Variants in GRAMD4 observed in about 807,000 individuals in gnomAD.
GRAMD4 encodes GRAM domain containing 4, also known as GRAM domain-containing protein 4.
A neutral mutation model predicts 83.9 loss-of-function variants in GRAMD4; 25 were observed. The observed-to-expected ratio is 0.30, with a 90% CI of 0.22 to 0.42. The LOEUF (loss-of-function observed/expected upper bound fraction) is 0.42, where lower values mean the gene tolerates loss of function less well. Among genes scored for constraint, GRAMD4 ranks in the 10% least tolerant of loss-of-function variants. The probability of loss-of-function intolerance (pLI) is 1.00; values close to 1 mark genes in which losing one functional copy is unlikely to be tolerated. For synonymous variants in GRAMD4, 336 were observed against 320.9 expected, an observed-to-expected ratio of 1.05 and a Z score of -0.50; for missense variants, 593 against 788.7, an observed-to-expected ratio of 0.75 and a Z score of 2.97.
chr22:46,586,632 C>T (rs1324425780), intron 1 of GRAMD4, among the ~76,000 whole-genome samples: 1 of 152,260 alleles, frequency 6.6e-6, no homozygotes, highest in Non-Finnish European at 1.5e-5. Context: ...AGGTATCCTA[C>T]TGCACCCAGA....
intron 1 of GRAMD4, among the ~76,000 whole-genome samples, chr22:46,597,650 C>T (rs1049547177): frequency 1.5e-4 from 23 of 152,018 alleles, no homozygotes; most frequent in African/African-American, 2.2e-4. Context: ...CCACCACGCC[C>T]GGCTAATTTT....
At chr22:46,599,578 C>T (rs1051765988) in intron 1 of GRAMD4, among the ~76,000 whole-genome samples, 3 of 152,254 alleles carry the variant, frequency 2.0e-5, no homozygotes, top group East Asian at 1.9e-4. Context: ...CCACCCGCCT[C>T]GGCCTTCCAA....
At chr22:46,675,186 C>A (rs1030038125) in intron 16 of GRAMD4, among the ~76,000 whole-genome samples, 1 of 151,744 alleles carries the variant, frequency 6.6e-6, no homozygotes, top group African/African-American at 2.4e-5. Flanking sequence ...TCACTCAGAG[C>A]AGTGGCCGTG....
downstream of GRAMD4, among the ~76,000 whole-genome samples, chr22:46,681,869 G>C (rs1730533804): frequency 6.6e-6 from 1 of 152,210 alleles, no homozygotes; most frequent in Admixed American, 6.5e-5. Context: ...GGTCCATTCT[G>C]CTCGTCCTGC....
rs981980611 is a variant in GRAMD4 at position 46,672,610 on chromosome 22, C to T, written c.1085-233C>T. Among the ~76,000 whole-genome samples, 15 of 150,966 alleles carry T rather than the reference C, an allele frequency of 9.9e-5. No homozygotes were observed. The highest frequency in any genetic ancestry group is 3.2e-4 in the African/African-American group (13 of 40,930). ...GGGGTCTTAGTGGGAGTGGGTGGGG[C>T]GCTGGCAGTGGGGCCCTCGCCTGGG... On this transcript the variant is annotated intron_variant, in intron 13 of 18. Transcript: ENST00000406902. The surrounding 1 kb of genome is among the most constrained non-coding windows in gnomAD (Gnocchi z 4.7).
At chr22:46,580,981 A>G (rs928756911) in intron 1 of GRAMD4, among the ~76,000 whole-genome samples, 11 of 148,120 alleles carry the variant, frequency 7.4e-5, no homozygotes, top group Middle Eastern at 3.5e-3. Flanking sequence ...AAAAAAAAAA[A>G]AAAGAAAGAA....
intron 10 of GRAMD4, 108 bp from the exon 11 acceptor site, chr22:46,667,988 T>C: frequency 1.3e-6 from 1 of 744,902 alleles, no homozygotes; most frequent in Non-Finnish European, 2.3e-6. Flanking sequence ...CCTGGCTGTG[T>C]GGGGACAGCA....
upstream of GRAMD4, among the ~76,000 whole-genome samples, chr22:46,576,638 G>C (rs2081044365): frequency 1.3e-5 from 2 of 152,162 alleles, no homozygotes; most frequent in Non-Finnish European, 2.9e-5. Flanking sequence ...GTCCAGCCCC[G>C]GCGTGGGGCC....
intron 1 of GRAMD4, among the ~76,000 whole-genome samples, chr22:46,585,342 CACA>C (rs2081139066): frequency 6.6e-6 from 1 of 152,114 alleles, no homozygotes; most frequent in Non-Finnish European, 1.5e-5. Flanking sequence ...AGGCACGCAC[CACA>C]ACGCCCAGCT....
In GRAMD4 at chr22:46,658,218, C is replaced by T; in HGVS notation, c.315C>T (p.Thr105=). 1 of 1,613,742 alleles carries T rather than the reference C, an allele frequency of 6.2e-7. No homozygotes were observed. Among genetic ancestry groups the T allele is most frequent in the Non-Finnish European group, 8.5e-7 (1 of 1,179,902 alleles). ...AGCTCCGGAAGCTGCGAGAAGAAAC[C>T]AACGCGGAGATGCTGCGGCAGGAGC... ...QEELRKLREE[T]NAEMLRQELD... Residue 105 remains threonine, a synonymous_variant, in exon 4 of 19, where the codon ACC becomes ACT. Transcript: ENST00000406902.
At chr22:46,587,708 A>G (rs5768992) in intron 1 of GRAMD4, among the ~76,000 whole-genome samples, 112,823 of 151,834 alleles carry the variant, frequency 0.74, 42,501 homozygotes, top group East Asian at 0.92. Flanking sequence ...ACCCCAGCTC[A>G]GGAGGGAGGG....
chr22:46,669,392 G>A (rs1185209928), intron 13 of GRAMD4, among the ~76,000 whole-genome samples: 1 of 152,140 alleles, frequency 6.6e-6, no homozygotes, highest in Non-Finnish European at 1.5e-5. Flanking sequence ...GGGAAGGAGG[G>A]TGGCTGGCGG....
intron 3 of GRAMD4, among the ~76,000 whole-genome samples, chr22:46,654,813 T>C (rs2147308982): frequency 6.6e-6 from 1 of 152,158 alleles, no homozygotes; most frequent in African/African-American, 2.4e-5. Context: ...GACACCGGGG[T>C]GGTCCCTCCT....
rs900802572 is a variant in GRAMD4, at chr22:46,598,436, C to T, written c.-50+21146C>T. 3.3e-5 allele frequency among the ~76,000 whole-genome samples: 5 copies of T among 152,056 alleles called. 1 individual carries two copies. The South Asian group carries it at 1.0e-3, about 32-fold the overall frequency. On this transcript the variant is annotated intron_variant, in intron 1 of 1. Coordinates refer to the GRAMD4 transcript ENST00000431155. The stretch of plus-strand genomic sequence containing the variant: ...TTATTTGCACCTCGGTGTTTGTTGC[C>T]AGAGGATTCTAATTGAGCAAGCTGT...
chr22:46,620,224 C>A, upstream of GRAMD4: 1 of 761,868 alleles, frequency 1.3e-6, no homozygotes, highest in Non-Finnish European at 1.6e-6. This position sits in a 1 kb window ranked among gnomAD's most constrained non-coding sequence, Gnocchi z 4.7. Flanking sequence ...AGAAGCAATT[C>A]AGCGGTTTCC....
rs990113107 is a variant in GRAMD4, at chr22:46,663,267, C to T, written c.599+95C>T. ...GTGGGCCATCCTTTATCACCGTGGG[C>T]CAAAGCTGTCTGTGAGGCTGCCGAG... On this transcript the variant is annotated intron_variant, in intron 6 of 18. Transcript: ENST00000406902. The T allele has an allele frequency of 3.4e-6, 4 of 1,192,896 alleles. No homozygotes were observed. The African/African-American group carries it at 6.0e-5, about 18-fold the overall frequency. 73.9% of individuals were successfully genotyped at this position (1,192,896 alleles called of 1,614,324 possible). A position where few individuals can be genotyped will look rare whatever the true frequency, so the allele number is the denominator to read the frequency against.
chr22:46,627,112 C>A lies in GRAMD4; in HGVS notation c.162+151C>A, dbSNP rs544863498. On this transcript the variant is annotated intron_variant, in intron 2 of 18. Transcript: ENST00000406902. ...ACTCTCTGTCTCACCTGCTCCCGAC[C>A]CCTGCAGACCTTGTGGGGCCGGGGT... is the stretch of plus-strand genomic sequence containing the variant. 1.6e-4 allele frequency: 100 copies of A among 608,326 alleles called. No individual in the cohort carries two copies. In the African/African-American group the frequency reaches 1.7e-3, roughly 10 times the overall value. 37.7% of individuals were successfully genotyped at this position (608,326 alleles called of 1,614,324 possible).
At chr22:46,654,837 G>A (rs1372453971) in intron 3 of GRAMD4, among the ~76,000 whole-genome samples, 1 of 152,224 alleles carries the variant, frequency 6.6e-6, no homozygotes, top group African/African-American at 2.4e-5. Flanking sequence ...GAACCTGTGG[G>A]GTGTGTTGGG....
intron 2 of GRAMD4, among the ~76,000 whole-genome samples, chr22:46,630,407 G>A (rs529081451): frequency 6.6e-6 from 1 of 152,338 alleles, no homozygotes; most frequent in African/African-American, 2.4e-5. Context: ...GAATGCCTGC[G>A]ATTGAGTGTT....
Sources: gnomAD v4.1 joint callset for allele counts (sites outside exome capture counted in the v4.1 genomes callset) on GRCh38, gnomAD v4.1.1 for gene constraint, Gnocchi (gnomAD v3.1) non-coding constraint, MANE v1.5 for transcripts, NCBI Gene and HGNC (gene_info 2026-07-23, HGNC 2026-07-21) for gene names.